Variants in GUCY1B1 observed in about 807,000 individuals in gnomAD.
The protein encoded by GUCY1B1 is guanylate cyclase 1 soluble subunit beta 1, also known as guanylate cyclase soluble subunit beta-1.
Under a neutral mutation model 71.0 loss-of-function variants are expected in GUCY1B1, and 43 were observed. The ratio of observed to expected loss-of-function variants is 0.61; its 90% confidence interval spans 0.47 to 0.78. The LOEUF (loss-of-function observed/expected upper bound fraction) is 0.78, where lower values mean the gene tolerates loss of function less well. Ranked by LOEUF, GUCY1B1 falls within the 30% of genes least tolerant of loss-of-function variation. GUCY1B1 has a pLI of 0.00. For missense variants in GUCY1B1, 535 were observed against 754.1 expected (o/e 0.71, Z 3.40); for synonymous variants, 266 against 259.7 (o/e 1.02, Z -0.23).
In GUCY1B1 at chr4:155,796,173, C is replaced by T. The variant is rs565054182; in HGVS notation, c.844-204C>T. On this transcript the variant is annotated intron_variant, in intron 7 of 13. Coordinates refer to ENST00000264424, the MANE Select transcript of GUCY1B1 (RefSeq NM_000857.5). ...GCACAGTTACTGTCCTGAATTCAGA[C>T]GGGACAGTCACTTTTCTGCAGTGTT... Among the ~76,000 whole-genome samples, 9 of 152,264 alleles carry T rather than the reference C, an allele frequency of 5.9e-5. No homozygotes were observed. The South Asian group carries it at 6.2e-4, about 11-fold the overall frequency.
intron 2 of GUCY1B1, among the ~76,000 whole-genome samples, chr4:155,760,428 C>T (rs536193988): frequency 6.9e-6 from 1 of 144,670 alleles, no homozygotes; most frequent in African/African-American, 2.6e-5. Context: ...CTGCCCACCC[C>T]CCCCGCCCCA....
chr4:155,796,843 A>C (rs1035464563), intron 8 of GUCY1B1, among the ~76,000 whole-genome samples: 1 of 152,318 alleles, frequency 6.6e-6, no homozygotes, highest in South Asian at 2.1e-4. Flanking sequence ...GTGATTTTTT[A>C]AAGCAGCTAA....
chr4:155,780,243 C>A (rs1028997552), intron 4 of GUCY1B1, among the ~76,000 whole-genome samples: 2 of 152,178 alleles, frequency 1.3e-5, no homozygotes, highest in Non-Finnish European at 2.9e-5. Context: ...CCAAACTTAA[C>A]CTCTTTAAGA....
Position 155,766,907 on chromosome 4 carries a change from T to A in GUCY1B1, c.77+7047T>A, listed in dbSNP as rs112518604. Among the ~76,000 whole-genome samples the A allele has an allele frequency of 9.7e-3, 1,475 of 152,296 alleles. 26 individuals carry two copies. Among genetic ancestry groups the A allele is most frequent in the African/African-American group, 0.034 (1,413 of 41,568 alleles). ...TTCGAATGTAATATGTCACGTATATTAAACACATACCATATGGTTCTGCAG... is the reference window on the plus strand; with the variant it reads ...TTCGAATGTAATATGTCACGTATATAAAACACATACCATATGGTTCTGCAG... On this transcript the variant is annotated intron_variant, in intron 2 of 13. Transcript: ENST00000264424.
At chr4:155,768,455 TG>T (rs1470787218) in intron 2 of GUCY1B1, among the ~76,000 whole-genome samples, 16 of 110,024 alleles carry the variant, frequency 1.5e-4, no homozygotes, top group African/African-American at 3.2e-4. Flanking sequence ...ATTACTTGTT[TG>T]TTTTTTTTTT....
chr4:155,774,179 G>A (rs989052702), intron 2 of GUCY1B1, among the ~76,000 whole-genome samples: 1 of 152,092 alleles, frequency 6.6e-6, no homozygotes, highest in Non-Finnish European at 1.5e-5. Context: ...TTATCCCAAC[G>A]TCCAACCAGG....
Position 155,806,767 on chromosome 4 carries a change from A to G in GUCY1B1, c.*358A>G. ...AAATGAAACTGAACAGTGTTTGGCC[A>G]TGTGTATATTTATATCATGTTTACC... On this transcript the variant is annotated 3_prime_UTR_variant, in exon 14 of 14. Transcript: ENST00000264424. 1 of 218,844 alleles carries G rather than the reference A, an allele frequency of 4.6e-6. No homozygotes were observed. The highest frequency in any genetic ancestry group is 9.0e-6 in the Non-Finnish European group (1 of 111,262). 13.6% of individuals were successfully genotyped at this position (218,844 alleles called of 1,614,324 possible). A position where few individuals can be genotyped will look rare whatever the true frequency, so the allele number is the denominator to read the frequency against.
chr4:155,778,168 A>G (rs1400741719), intron 4 of GUCY1B1, among the ~76,000 whole-genome samples: 2 of 152,218 alleles, frequency 1.3e-5, no homozygotes, highest in African/African-American at 2.4e-5. Flanking sequence ...ATATTAATTA[A>G]TCTACTGTAC....
chr4:155,800,775 C>A (rs1486545615), intron 9 of GUCY1B1, among the ~76,000 whole-genome samples: 1 of 152,144 alleles, frequency 6.6e-6, no homozygotes, highest in Non-Finnish European at 1.5e-5. Context: ...ACGCACATCA[C>A]TGACATTTAT....
intron 2 of GUCY1B1, among the ~76,000 whole-genome samples, chr4:155,771,633 T>C (rs1737699625): frequency 6.6e-6 from 1 of 152,204 alleles, no homozygotes; most frequent in Non-Finnish European, 1.5e-5. Context: ...TGTTTCAAAA[T>C]AAAATGTTAA....
chr4:155,777,459 T>C (rs949709407), intron 3 of GUCY1B1, 65 bp from the exon 4 acceptor site: 1 of 869,048 alleles, frequency 1.2e-6, no homozygotes, highest in African/African-American at 1.7e-5. Context: ...CTTATCTTCA[T>C]TTTTTCTATT....
intron 4 of GUCY1B1, among the ~76,000 whole-genome samples, chr4:155,778,801 T>C (rs1738225728): frequency 6.6e-6 from 1 of 152,094 alleles, no homozygotes; most frequent in African/African-American, 2.4e-5. Flanking sequence ...TACTTAAATG[T>C]TTTGGGGGAT....
chr4:155,771,879 T>C (rs115289963), intron 2 of GUCY1B1, among the ~76,000 whole-genome samples: 1,834 of 152,292 alleles, frequency 0.012, 35 homozygotes, highest in African/African-American at 0.041. Context: ...AAGATATCCA[T>C]CAAATATTCA....
chr4:155,765,424 G>T (rs964780021), intron 2 of GUCY1B1, among the ~76,000 whole-genome samples: 8 of 152,114 alleles, frequency 5.3e-5, no homozygotes, highest in African/African-American at 1.7e-4. Context: ...TTGCCTCCTT[G>T]TTCGTTAAAG....
At chr4:155,774,585 A>G (rs1287845426) in intron 2 of GUCY1B1, among the ~76,000 whole-genome samples, 1 of 152,198 alleles carries the variant, frequency 6.6e-6, no homozygotes, top group Admixed American at 6.5e-5. Flanking sequence ...CTGTTTTACT[A>G]AAGATTGTAC....
chr4:155,772,169 T>A (rs1383298357), intron 2 of GUCY1B1, among the ~76,000 whole-genome samples: 1 of 152,222 alleles, frequency 6.6e-6, no homozygotes, highest in Non-Finnish European at 1.5e-5. Flanking sequence ...CTTGAGGTCT[T>A]CGAAGAGTTG....
At chr4:155,762,974 C>A (rs908417248) in intron 2 of GUCY1B1, among the ~76,000 whole-genome samples, 4 of 151,998 alleles carry the variant, frequency 2.6e-5, no homozygotes, top group African/African-American at 9.7e-5. Context: ...TTGTTGATTT[C>A]ATTTCAATAT....
intron 4 of GUCY1B1, among the ~76,000 whole-genome samples, chr4:155,778,696 C>T (rs1234347767): frequency 6.6e-6 from 1 of 152,184 alleles, no homozygotes; most frequent in East Asian, 1.9e-4. Context: ...TCAAAAAAAG[C>T]TGCCACTTCC....
intron 2 of GUCY1B1, chr4:155,772,509 G>A: frequency 4.0e-6 from 2 of 496,736 alleles, no homozygotes; most frequent in Non-Finnish European, 7.3e-6. Flanking sequence ...CAACTCCCGA[G>A]GCTCAAGCAA....
Sources: allele counts gnomAD v4.1 joint callset (sites outside exome capture counted in the v4.1 genomes callset), GRCh38; gene constraint gnomAD v4.1.1; transcripts MANE v1.5; gene names NCBI Gene and HGNC (gene_info 2026-07-23, HGNC 2026-07-21).